The following MAN1C1 variants were observed in gnomAD, a reference collection of about 807,000 sequenced individuals.
MAN1C1 encodes the protein mannosyl-oligosaccharide 1,2-alpha-mannosidase IC.
A neutral mutation model predicts 71.5 loss-of-function variants in MAN1C1; 49 were observed. The ratio of observed to expected loss-of-function variants is 0.69; its 90% confidence interval spans 0.54 to 0.87. MAN1C1 has a LOEUF of 0.87. MAN1C1 is among the 40% of genes least tolerant of loss of function. The probability of loss-of-function intolerance (pLI) is 0.00; values close to 1 mark genes in which losing one functional copy is unlikely to be tolerated. For missense variants in MAN1C1, 743 were observed against 835.0 expected (o/e 0.89, Z 1.36); for synonymous variants, 352 against 343.7 (o/e 1.02, Z -0.27).
intron 1 of MAN1C1, among the ~76,000 whole-genome samples, chr1:25,668,892 T>C (rs1452687909): frequency 6.6e-6 from 1 of 152,156 alleles, no homozygotes; most frequent in Non-Finnish European, 1.5e-5. Flanking sequence ...GTGCTCAGAA[T>C]TGAGAAAACC....
chr1:25,650,144 G>A (rs573304513), intron 1 of MAN1C1, among the ~76,000 whole-genome samples: 1 of 152,320 alleles, frequency 6.6e-6, no homozygotes, highest in Admixed American at 6.5e-5. Flanking sequence ...ACCACTGACT[G>A]GGGCGTGTGG....
chr1:25,686,067 T>C (rs546953449), intron 1 of MAN1C1, among the ~76,000 whole-genome samples: 60 of 152,338 alleles, frequency 3.9e-4, no homozygotes, highest in African/African-American at 1.3e-3. Flanking sequence ...TGTTCCATTA[T>C]AGCAAGCACT....
At chr1:25,669,740 A>G (rs2045969996) in intron 1 of MAN1C1, among the ~76,000 whole-genome samples, 1 of 152,206 alleles carries the variant, frequency 6.6e-6, no homozygotes, top group African/African-American at 2.4e-5. Flanking sequence ...CTATCATACC[A>G]CTGTACTGCA....
intron 2 of MAN1C1, among the ~76,000 whole-genome samples, chr1:25,719,051 CTTA>C (rs34993782): frequency 0.036 from 5,219 of 143,828 alleles, 122 homozygotes; most frequent in African/African-American, 0.06. Context: ...CTTTCCAATG[CTTA>C]TTATTATTAT....
intron 2 of MAN1C1, among the ~76,000 whole-genome samples, chr1:25,697,284 T>C (rs1285859654): frequency 1.3e-5 from 2 of 152,230 alleles, no homozygotes; most frequent in Non-Finnish European, 2.9e-5. Context: ...AATGCTATCA[T>C]ACTGTATCTG....
At chr1:25,649,785 G>A (rs1249911563) in intron 1 of MAN1C1, among the ~76,000 whole-genome samples, 1 of 152,116 alleles carries the variant, frequency 6.6e-6, no homozygotes, top group Non-Finnish European at 1.5e-5. Flanking sequence ...TTACAGGTGT[G>A]TGCCACCATG....
intron 1 of MAN1C1, among the ~76,000 whole-genome samples, chr1:25,636,655 G>T (rs537565528): frequency 6.6e-6 from 1 of 152,144 alleles, no homozygotes; most frequent in Non-Finnish European, 1.5e-5. Context: ...CAATCAATTT[G>T]TACAGTTAAG....
intron 2 of MAN1C1, among the ~76,000 whole-genome samples, chr1:25,716,089 CA>C (rs1238313634): frequency 6.6e-6 from 1 of 152,136 alleles, no homozygotes; most frequent in African/African-American, 2.4e-5. Flanking sequence ...CATATTTTTC[CA>C]GAAGTCACAT....
intron 7 of MAN1C1, among the ~76,000 whole-genome samples, chr1:25,767,727 TCACAC>T (rs2047460273): frequency 1.6e-5 from 1 of 63,576 alleles, no homozygotes; most frequent in Non-Finnish European, 2.9e-5. Flanking sequence ...CACACTCCCC[TCACAC>T]ACACAGACCC....
intron 1 of MAN1C1, among the ~76,000 whole-genome samples, chr1:25,621,277 T>C (rs947353379): frequency 3.9e-5 from 6 of 152,222 alleles, no homozygotes; most frequent in Non-Finnish European, 7.3e-5. Flanking sequence ...TGATGTTCAC[T>C]GCTGTATCTC....
chr1:25,651,097 G>C (rs1018869325), intron 1 of MAN1C1, among the ~76,000 whole-genome samples: 3 of 152,048 alleles, frequency 2.0e-5, no homozygotes, highest in Non-Finnish European at 4.4e-5. Context: ...CTCACAATAG[G>C]GGCCGCTCAC....
chr1:25,643,380 G>GAGT (rs1395185131), intron 1 of MAN1C1, among the ~76,000 whole-genome samples: 1 of 148,738 alleles, frequency 6.7e-6, no homozygotes, highest in African/African-American at 2.5e-5. Context: ...TCAGCCTCCT[G>GAGT]AGTAGCTGGG....
chr1:25,618,232 C>A lies in MAN1C1; in HGVS notation c.435C>A (p.Phe145Leu). ...GDEGVPFRFD[F>L]NAFRSRLRHP... ...AGGGCGTCCCTTTCCGCTTTGACTT[C>A]AACGCATTCCGGAGCCGTCTCCGCC... The change falls in exon 1 of 12, where the codon TTC becomes TTA. Residue 145 changes from phenylalanine (F) to leucine (L), a missense_variant. Phe to Leu is a conservative substitution (Grantham distance 22). Transcript: ENST00000374332. 4.4e-6 allele frequency: 7 copies of A among 1,601,734 alleles called. No individual in the cohort carries two copies. Among genetic ancestry groups the A allele is most frequent in the Admixed American group, 1.7e-5 (1 of 57,980 alleles).
In MAN1C1 at chr1:25,629,272, T is replaced by C. The variant is rs553177972; in HGVS notation, c.540+10935T>C. Among the ~76,000 whole-genome samples the C allele has an allele frequency of 3.9e-5, 6 of 152,318 alleles. No homozygotes were observed. The South Asian group carries it at 6.2e-4, about 16-fold the overall frequency. ...GCCAATGTCTATTGTTTTTTGACTT[T>C]TTAGTAATGTCATTCTTGCAGGAGT... On this transcript the variant is annotated intron_variant, in intron 1 of 11. Transcript: ENST00000374332.
chr1:25,781,763 C>T (rs190516651), intron 10 of MAN1C1, among the ~76,000 whole-genome samples: 2 of 151,888 alleles, frequency 1.3e-5, no homozygotes, highest in East Asian at 2.0e-4. Context: ...CTCAGGTTTA[C>T]TGGCCCTGTT....
chr1:25,663,052 C>T (rs2369048), intron 1 of MAN1C1, among the ~76,000 whole-genome samples: 3,052 of 150,880 alleles, frequency 0.02, 45 homozygotes, highest in Non-Finnish European at 0.031. Flanking sequence ...GATCATGCCA[C>T]TGCACTCCAG....
At chr1:25,661,940 C>T (rs2045855734) in intron 1 of MAN1C1, among the ~76,000 whole-genome samples, 1 of 151,928 alleles carries the variant, frequency 6.6e-6, no homozygotes, top group African/African-American at 2.4e-5. Flanking sequence ...ACGGTCTCTC[C>T]CCTTGAGGAA....
chr1:25,767,470 CCA>C (rs1318924927), intron 7 of MAN1C1, among the ~76,000 whole-genome samples: 6 of 136,584 alleles, frequency 4.4e-5, no homozygotes, highest in Non-Finnish European at 7.9e-5. Flanking sequence ...ACCCACACAC[CCA>C]CACTCCCCTC....
intron 1 of MAN1C1, among the ~76,000 whole-genome samples, chr1:25,619,021 G>T (rs2045162482): frequency 1.3e-5 from 2 of 152,210 alleles, no homozygotes; most frequent in African/African-American, 4.8e-5. Flanking sequence ...TAATGAAGCA[G>T]ATCTTGAGCT....
Sources: allele counts gnomAD v4.1 joint callset (sites outside exome capture counted in the v4.1 genomes callset), GRCh38; gene constraint gnomAD v4.1.1; transcripts MANE v1.5; gene names NCBI Gene and HGNC (gene_info 2026-07-23, HGNC 2026-07-21).